Variants in SPOCD1 observed in about 807,000 individuals in gnomAD.
SPOCD1 encodes SPOC domain containing 1, also known as SPOC domain-containing protein 1.
Under a neutral mutation model 92.2 loss-of-function variants are expected in SPOCD1, and 64 were observed. The ratio of observed to expected loss-of-function variants is 0.69; its 90% CI spans 0.57 to 0.86. The LOEUF (loss-of-function observed/expected upper bound fraction) is 0.86, where lower values mean the gene tolerates loss of function less well. Ranked by LOEUF, SPOCD1 falls within the 40% of genes least tolerant of loss-of-function variation. SPOCD1 has a pLI of 0.00. For synonymous variants in SPOCD1, 578 were observed against 619.3 expected (o/e 0.93, Z 0.99); for missense variants, 1,360 against 1,543.1 (o/e 0.88, Z 1.99).
chr1:31,803,578 GAA>G (rs34105123), intron 2 of SPOCD1, among the ~76,000 whole-genome samples: 1,641 of 143,478 alleles, frequency 0.011, 19 homozygotes, highest in African/African-American at 0.035. Context: ...ACAAAAACAA[GAA>G]AAAAAAAAAA....
At chr1:31,813,159 T>C (rs894824372) in intron 2 of SPOCD1, among the ~76,000 whole-genome samples, 20 of 152,230 alleles carry the variant, frequency 1.3e-4, no homozygotes, top group Non-Finnish European at 5.9e-5. Flanking sequence ...CATCTGGTTA[T>C]ATGGGGCTAA....
At chr1:31,802,291 A>G (rs1648522331) in intron 2 of SPOCD1, among the ~76,000 whole-genome samples, 1 of 152,256 alleles carries the variant, frequency 6.6e-6, no homozygotes, top group South Asian at 2.1e-4. Context: ...GGGTTTATGA[A>G]GTAGCTGGCC....
intron 2 of SPOCD1, among the ~76,000 whole-genome samples, chr1:31,805,704 C>T (rs1477399683): frequency 6.6e-6 from 1 of 151,514 alleles, no homozygotes; most frequent in Non-Finnish European, 1.5e-5. Flanking sequence ...CTAGCCTGGG[C>T]AACAGAGTGA....
At position 31,791,196 on chromosome 1, in the gene SPOCD1, G is replaced by T. The variant is rs1425645281; in HGVS notation, c.3058C>A (p.Leu1020Ile). Residue 1020 changes from leucine to isoleucine, a missense_variant, in exon 16 of 16, where the codon CTT becomes ATT. Transcript: ENST00000360482. ...GGGCTGGACCCTGCTGTGTCTGGAA[G>T]CCCTTCCTTGGGGAGCAGCACAGCC... ...LLAVLLPKEG[L>I]PDTAGSSPWL... The T allele has an allele frequency of 6.2e-7, 1 of 1,610,612 alleles. No homozygotes were observed. Among genetic ancestry groups the T allele is most frequent in the African/African-American group, 1.3e-5 (1 of 74,884 alleles).
In SPOCD1 at chr1:31,799,815, C is replaced by T. The variant is rs961504216; in HGVS notation, c.1777G>A (p.Asp593Asn). Residue 593 changes from aspartate to asparagine, a missense_variant, in exon 6 of 16, where the codon GAC (aspartate) becomes AAC (asparagine). This residue lies in a region of SPOCD1 where 606 missense variants were observed against 601.5 expected (regional missense o/e 1.01). Coordinates refer to ENST00000360482, the MANE Select transcript of SPOCD1 (RefSeq NM_144569.7). ...EEDSLPEQPE[D>N]SAQLQQEKPS... Reference sequence around the variant, plus strand: ...TCCCTCCAGGGCCCTTCACCTGAGTCCTCTGGCTGCTCCGGAAGAGAATCC... The same window carrying T: ...TCCCTCCAGGGCCCTTCACCTGAGTTCTCTGGCTGCTCCGGAAGAGAATCC... 5 of 1,613,872 alleles carry T rather than the reference C, an allele frequency of 3.1e-6. No homozygotes were observed. The highest frequency in any genetic ancestry group is 1.1e-5 in the South Asian group (1 of 91,080).
Position 31,814,922 on chromosome 1 carries a change from T to G in SPOCD1, c.412A>C (p.Arg138=), listed in dbSNP as rs150966773. Residue 138 remains arginine, a synonymous_variant, in exon 2 of 16, where the codon AGG becomes CGG. Transcript: ENST00000360482. This position sits in a 1 kb window ranked among gnomAD's most constrained non-coding sequence, Gnocchi z 4.2. ...DDSCPRKLCS[R]SAGLPERALA... Reference sequence around the variant, plus strand: ...GCTCTCTCTGGGAGGCCAGCAGACCTGCTACAAAGTTTCCTGGGGCAACTG... The same window carrying G: ...GCTCTCTCTGGGAGGCCAGCAGACCGGCTACAAAGTTTCCTGGGGCAACTG... The G allele has an allele frequency of 6.4e-4, 1,036 of 1,613,906 alleles. 7 individuals carry two copies. The African/African-American group carries it at 0.012, about 19-fold the overall frequency.
At position 31,815,303 on chromosome 1, in the gene SPOCD1, T is replaced by C. The variant is rs758798816; in HGVS notation, c.31A>G (p.Ser11Gly). The C allele has an allele frequency of 1.9e-6, 3 of 1,565,464 alleles. No individual in the cohort carries two copies. The highest frequency in any genetic ancestry group is 2.6e-6 in the Non-Finnish European group (3 of 1,150,356). MSQAGDVEGP[S>G]TGDPVLSPQH... ...GGACTGAGCACAGGGTCTCCTGTGC[T>C]GGGGCCTTCTACGTCCCCCGCCTGG... The change falls in exon 2 of 16, where the codon AGC becomes GGC. Residue 11 changes from serine to glycine, a missense_variant. Ser to Gly is a moderately conservative substitution (Grantham distance 56, BLOSUM62 0). This residue lies in a region of SPOCD1 where 140 missense variants were observed against 183.8 expected (regional missense o/e 0.76). Coordinates refer to ENST00000360482, the MANE Select transcript of SPOCD1 (RefSeq NM_144569.7).
chr1:31,798,811 C>T lies in SPOCD1; in HGVS notation c.1869-210G>A. 1.6e-6 allele frequency: 1 copy of T among 609,154 alleles called. No homozygotes were observed. The highest frequency in any genetic ancestry group is 2.9e-6 in the Non-Finnish European group (1 of 346,246). 37.7% of individuals were successfully genotyped at this position (609,154 alleles called of 1,614,324 possible). On this transcript the variant is annotated intron_variant, in intron 7 of 15. Coordinates refer to ENST00000360482, the MANE Select transcript of SPOCD1 (RefSeq NM_144569.7). The surrounding 1 kb of genome is among the most constrained non-coding windows in gnomAD (Gnocchi z 4.1). The stretch of plus-strand genomic sequence containing the variant: ...TTTTATGGATGGGGTTACTGGGGCT[C>T]AGGGAAAATAAGAGGCTTACTCACA...
In SPOCD1 at chr1:31,815,299, G is replaced by C. The variant is rs746157919; in HGVS notation, c.35C>G (p.Thr12Arg). The C allele has an allele frequency of 3.2e-6, 5 of 1,568,118 alleles. No homozygotes were observed. The highest frequency in any genetic ancestry group is 4.3e-6 in the Non-Finnish European group (5 of 1,151,792). The change falls in exon 2 of 16, where the codon ACA (threonine) becomes AGA (arginine). Residue 12 changes from threonine to arginine, a missense_variant. Physicochemically the swap from Thr to Arg is moderately conservative, Grantham distance 71. Coordinates refer to ENST00000360482, the MANE Select transcript of SPOCD1 (RefSeq NM_144569.7). ...SQAGDVEGPS[T>R]GDPVLSPQHN... ...TTGGGGACTGAGCACAGGGTCTCCT[G>C]TGCTGGGGCCTTCTACGTCCCCCGC...
chr1:31,807,187 G>A (rs950240689), intron 2 of SPOCD1, among the ~76,000 whole-genome samples: 1 of 148,876 alleles, frequency 6.7e-6, no homozygotes. Flanking sequence ...AAGAATTTGA[G>A]ACCAGCCTGG....
At chr1:31,797,109 G>A (rs1648083044) in intron 9 of SPOCD1, among the ~76,000 whole-genome samples, 1 of 152,192 alleles carries the variant, frequency 6.6e-6, no homozygotes, top group South Asian at 2.1e-4. Flanking sequence ...GCTGCTCTAA[G>A]CCTCAGTTTA....
chr1:31,808,830 A>G (rs570265165), intron 2 of SPOCD1, among the ~76,000 whole-genome samples: 2 of 151,326 alleles, frequency 1.3e-5, no homozygotes, highest in Non-Finnish European at 3.0e-5. Context: ...AGATTTCTGG[A>G]TGCAAAATCA....
intron 2 of SPOCD1, among the ~76,000 whole-genome samples, chr1:31,812,445 G>A (rs1263752260): frequency 2.0e-5 from 3 of 152,168 alleles, no homozygotes; most frequent in Non-Finnish European, 4.4e-5. Context: ...AACCCACTGG[G>A]AAAGACCTTC....
intron 2 of SPOCD1, among the ~76,000 whole-genome samples, chr1:31,807,976 A>T (rs1648952351): frequency 1.3e-5 from 2 of 152,232 alleles, no homozygotes. Context: ...TAGCCACAAG[A>T]TAAATTGAAT....
At chr1:31,807,527 TAA>T (rs538029493) in intron 2 of SPOCD1, among the ~76,000 whole-genome samples, 66 of 150,420 alleles carry the variant, frequency 4.4e-4, no homozygotes, top group African/African-American at 1.6e-3. Flanking sequence ...GACTGTATGT[TAA>T]GTCTATGAAT....
Position 31,798,912 on chromosome 1 carries a change from CA to C in SPOCD1, c.1869-312del. On this transcript the variant is annotated intron_variant, in intron 7 of 15. Transcript: ENST00000360482. The surrounding 1 kb of genome is among the most constrained non-coding windows in gnomAD (Gnocchi z 4.1). The stretch of plus-strand genomic sequence containing the variant: ...ACCAGCCTGTGCCCCGTCTCTGGCT[CA>C]CGGGATGTGTGGAGGGGAGGAAGCC... 1 of 564,048 alleles carries C rather than the reference CA, an allele frequency of 1.8e-6. No individual in the cohort carries two copies. The highest frequency in any genetic ancestry group is 3.1e-6 in the Non-Finnish European group (1 of 319,820). 34.9% of individuals were successfully genotyped at this position (564,048 alleles called of 1,614,324 possible). A position where few individuals can be genotyped will look rare whatever the true frequency, so the allele number is the denominator to read the frequency against.
At position 31,814,185 on chromosome 1, in the gene SPOCD1, G is replaced by A. The variant is rs765166403; in HGVS notation, c.1149C>T (p.Pro383=). The A allele has an allele frequency of 4.6e-5, 72 of 1,571,350 alleles. No individual in the cohort carries two copies. Among genetic ancestry groups the A allele is most frequent in the African/African-American group, 1.4e-4 (10 of 73,968 alleles). Residue 383 remains proline (P), a synonymous_variant, in exon 2 of 16, where the codon CCC becomes CCT. Transcript: ENST00000360482. This position sits in a 1 kb window ranked among gnomAD's most constrained non-coding sequence, Gnocchi z 4.2. ...RGRLEQGLAA[P]ADTCASSREP... ...CCCGGGAGCTGGCACAGGTGTCAGC[G>A]GGGGCAGCGAGTCCTTGCTCCAGCC... is the stretch of plus-strand genomic sequence containing the variant.
Position 31,792,399 on chromosome 1 carries a change from G to A in SPOCD1, c.2778C>T (p.Asp926=), listed in dbSNP as rs752983875. 18 of 1,613,044 alleles carry A rather than the reference G, an allele frequency of 1.1e-5. No homozygotes were observed. The highest frequency in any genetic ancestry group is 1.4e-5 in the Non-Finnish European group (16 of 1,179,818). Residue 926 remains aspartate (D), a splice_region_variant and synonymous_variant, in exon 15 of 16, where the codon GAC becomes GAT. Coordinates refer to ENST00000360482, the MANE Select transcript of SPOCD1 (RefSeq NM_144569.7). ...LASICPAKAK[D]VCVVRLCPHG... ...GTGGGCACAGTCTGACCACGCAGACGTCCTGCGGTGGCAGGAGGAGAGCAG... is the reference window on the plus strand; with the variant it reads ...GTGGGCACAGTCTGACCACGCAGACATCCTGCGGTGGCAGGAGGAGAGCAG...
At position 31,793,300 on chromosome 1, in the gene SPOCD1, C is replaced by T; in HGVS notation, c.2663G>A (p.Gly888Glu). The change falls in exon 13 of 16, where the codon GGA becomes GAA. Residue 888 changes from glycine (G) to glutamate (E), a missense_variant. Around this residue, in one of 3 missense-constraint regions of SPOCD1, gnomAD observed 614 missense variants for 757.8 expected, o/e 0.81. Transcript: ENST00000360482. Reference sequence around the variant, plus strand: ...CACCTGGACAAGCCGACAGCTGTGTCCCGAGACCAGCTGGGCCCTGGCCCG... The same window carrying T: ...CACCTGGACAAGCCGACAGCTGTGTTCCGAGACCAGCTGGGCCCTGGCCCG... ...RFRARAQLVS[G>E]HSCRLVQALP... 6.3e-7 allele frequency: 1 copy of T among 1,594,106 alleles called. No individual in the cohort carries two copies. Among genetic ancestry groups the T allele is most frequent in the Non-Finnish European group, 8.5e-7 (1 of 1,170,444 alleles).
Sources: gnomAD v4.1 joint callset for allele counts (sites outside exome capture counted in the v4.1 genomes callset) on GRCh38, gnomAD v4.1.1 for gene constraint, gnomAD v4.1.1 regional missense constraint, Gnocchi (gnomAD v3.1) non-coding constraint, MANE v1.5 for transcripts, NCBI Gene and HGNC (gene_info 2026-07-23, HGNC 2026-07-21) for gene names.